The following TANGO6 variants were observed in gnomAD, a reference collection of about 807,000 sequenced individuals.
The protein encoded by TANGO6 is transport and golgi organization 6 homolog.
Under a neutral mutation model 114.2 loss-of-function variants are expected in TANGO6, and 90 were observed. The ratio of observed to expected loss-of-function variants is 0.79; its 90% confidence interval spans 0.66 to 0.94. The LOEUF is 0.94. TANGO6 is among the 40% of genes least tolerant of loss of function. The pLI is 0.00. For missense variants in TANGO6, 1,274 were observed against 1,315.3 expected (o/e 0.97, Z 0.49); for synonymous variants, 477 against 509.8 (o/e 0.94, Z 0.87).
At chr16:68,876,094 T>C (rs569330399) in intron 5 of TANGO6, among the ~76,000 whole-genome samples, 16 of 152,218 alleles carry the variant, frequency 1.1e-4, no homozygotes, top group Non-Finnish European at 1.8e-4. Context: ...TGTTAATGTA[T>C]GTATATATTA....
Position 68,894,860 on chromosome 16 carries a change from C to T in TANGO6, c.1378-5574C>T, listed in dbSNP as rs113652842. ...TTTTCATCACTGTACGTGGAACTCC[C>T]ATATCCATGAAGCAATCAGTCCCCA... On this transcript the variant is annotated intron_variant, in intron 7 of 17. Coordinates refer to ENST00000261778, the MANE Select transcript of TANGO6 (RefSeq NM_024562.2). Among the ~76,000 whole-genome samples, 739 of 152,174 alleles carry T rather than the reference C, an allele frequency of 4.9e-3. 6 individuals carry two copies. Among genetic ancestry groups the T allele is most frequent in the African/African-American group, 0.017 (707 of 41,530 alleles).
At chr16:69,081,746 G>C (rs8059496) in intron 17 of TANGO6, among the ~76,000 whole-genome samples, 1 of 151,748 alleles carries the variant, frequency 6.6e-6, no homozygotes, top group Non-Finnish European at 1.5e-5. Context: ...GCTCCTGTGA[G>C]TAGGTACTTT....
At chr16:69,075,953 CG>C (rs1162526822) in intron 17 of TANGO6, among the ~76,000 whole-genome samples, 2 of 151,316 alleles carry the variant, frequency 1.3e-5, no homozygotes, top group African/African-American at 2.4e-5. Context: ...TTAGTAGAGA[CG>C]GGGTTTCACC....
intron 15 of TANGO6, among the ~76,000 whole-genome samples, chr16:69,022,559 C>T (rs1959425802): frequency 6.6e-6 from 1 of 152,142 alleles, no homozygotes. Flanking sequence ...CAAAAATTAG[C>T]CGGGCATGGT....
chr16:68,985,637 C>T (rs557760951), intron 15 of TANGO6, among the ~76,000 whole-genome samples: 100 of 152,116 alleles, frequency 6.6e-4, no homozygotes, highest in African/African-American at 2.2e-3. Flanking sequence ...CACCTGAGCC[C>T]GGGAGGTCAA....
At chr16:68,972,672 G>T (rs887142067) in intron 14 of TANGO6, among the ~76,000 whole-genome samples, 1 of 152,104 alleles carries the variant, frequency 6.6e-6, no homozygotes, top group Non-Finnish European at 1.5e-5. Flanking sequence ...GAAAATCCTT[G>T]ACTTTATTAT....
chr16:69,001,928 A>G (rs1474452620), intron 15 of TANGO6, among the ~76,000 whole-genome samples: 1 of 152,192 alleles, frequency 6.6e-6, no homozygotes, highest in Non-Finnish European at 1.5e-5. Context: ...CTAAAAGTAT[A>G]TGTCCTACCT....
At chr16:69,024,962 C>T (rs1361483161) in intron 16 of TANGO6, among the ~76,000 whole-genome samples, 1 of 152,158 alleles carries the variant, frequency 6.6e-6, no homozygotes, top group African/African-American at 2.4e-5. Flanking sequence ...CGTGTGCCAC[C>T]ACGCCTGGTT....
chr16:68,868,492 ATTTT>A (rs765054621), intron 4 of TANGO6, among the ~76,000 whole-genome samples: 4 of 93,678 alleles, frequency 4.3e-5, no homozygotes, highest in South Asian at 3.3e-4. Flanking sequence ...CTATATTTCT[ATTTT>A]TTTTTTTTTT....
chr16:68,896,213 G>T (rs149621279), intron 7 of TANGO6, among the ~76,000 whole-genome samples: 77 of 152,176 alleles, frequency 5.1e-4, no homozygotes, highest in African/African-American at 1.7e-3. Flanking sequence ...CGTCATGTTG[G>T]CCAGGCTGGT....
intron 16 of TANGO6, among the ~76,000 whole-genome samples, chr16:69,027,164 G>T (rs1959515846): frequency 6.6e-6 from 1 of 152,070 alleles, no homozygotes. Flanking sequence ...GCCCGGGCCT[G>T]AGAGGGAATT....
chr16:68,939,565 G>T (rs1963330781), intron 14 of TANGO6, among the ~76,000 whole-genome samples: 1 of 148,182 alleles, frequency 6.7e-6, no homozygotes. Flanking sequence ...TCCACTAGGT[G>T]TACTAAAAGG....
chr16:68,866,958 T>G, intron 3 of TANGO6, 121 bp from the exon 4 acceptor site: 1 of 985,660 alleles, frequency 1.0e-6, no homozygotes, highest in Non-Finnish European at 1.4e-6. Context: ...TAAGTCTGCA[T>G]ATCATAGCTA....
intron 15 of TANGO6, among the ~76,000 whole-genome samples, chr16:68,986,479 C>T (rs1031492715): frequency 4.6e-5 from 7 of 152,022 alleles, no homozygotes; most frequent in Admixed American, 2.6e-4. Flanking sequence ...TCCATGTCAC[C>T]TGCTTGATTT....
At chr16:68,915,179 A>G (rs1014484951) in intron 11 of TANGO6, among the ~76,000 whole-genome samples, 2 of 151,858 alleles carry the variant, frequency 1.3e-5, no homozygotes, top group African/African-American at 4.8e-5. Context: ...GTCTCAAAAA[A>G]AAAAAAAAAA....
chr16:69,030,074 C>T (rs1420105818), intron 16 of TANGO6, among the ~76,000 whole-genome samples: 1 of 150,388 alleles, frequency 6.6e-6, no homozygotes, highest in Non-Finnish European at 1.5e-5. Context: ...TGCCACCGCA[C>T]CCCAGCCTGG....
intron 14 of TANGO6, among the ~76,000 whole-genome samples, chr16:68,953,999 G>A (rs1963499856): frequency 6.6e-6 from 1 of 151,978 alleles, no homozygotes; most frequent in Non-Finnish European, 1.5e-5. Flanking sequence ...CAGCACTTTC[G>A]GAGGCCGAGG....
intron 9 of TANGO6, among the ~76,000 whole-genome samples, chr16:68,903,576 C>G (rs149569978): frequency 2.8e-5 from 4 of 144,084 alleles, no homozygotes; most frequent in African/African-American, 1.0e-4. Flanking sequence ...TGGGATCGTA[C>G]CACTGCACTC....
At chr16:68,993,331 T>C (rs1963961702) in intron 15 of TANGO6, among the ~76,000 whole-genome samples, 1 of 152,230 alleles carries the variant, frequency 6.6e-6, no homozygotes, top group African/African-American at 2.4e-5. Flanking sequence ...ACTATTCTAA[T>C]TCAGAATAAA....
Sources: allele counts gnomAD v4.1 joint callset (sites outside exome capture counted in the v4.1 genomes callset), GRCh38; gene constraint gnomAD v4.1.1; transcripts MANE v1.5; gene names NCBI Gene and HGNC (gene_info 2026-07-23, HGNC 2026-07-21).